Variants in MAGI2 observed in about 807,000 individuals in gnomAD.
MAGI2 encodes the protein membrane associated guanylate kinase, WW and PDZ domain containing 2, also known as membrane-associated guanylate kinase, WW and PDZ domain-containing protein 2.
In MAGI2, 35 loss-of-function variants were observed where a neutral mutation model predicts 133.3. The ratio of observed to expected loss-of-function variants is 0.26; its 90% CI spans 0.20 to 0.35. The LOEUF (loss-of-function observed/expected upper bound fraction) is 0.35, where lower values mean the gene tolerates loss of function less well. Ranked by LOEUF, MAGI2 falls within the 10% of genes least tolerant of loss-of-function variation. MAGI2 has a pLI of 1.00. For synonymous variants in MAGI2, 729 were observed against 710.6 expected, an observed-to-expected ratio of 1.03 and a Z score of -0.41; for missense variants, 1,636 against 1,863.4, an observed-to-expected ratio of 0.88 and a Z score of 2.25.
chr7:79,214,564 T>G (rs1197030529), intron 1 of MAGI2, among the ~76,000 whole-genome samples: 2 of 141,302 alleles, frequency 1.4e-5, no homozygotes, highest in Non-Finnish European at 3.1e-5. Context: ...AAACTGATTT[T>G]ACAAGGATAT....
At chr7:78,444,774 T>C (rs1787967671) in intron 6 of MAGI2, among the ~76,000 whole-genome samples, 1 of 143,622 alleles carries the variant, frequency 7.0e-6, no homozygotes, top group Non-Finnish European at 1.5e-5. Context: ...TGTGTATGTG[T>C]ATATACTGTA....
chr7:78,909,602 CAAAAAAAAAAAA>C (rs1237807866), intron 2 of MAGI2, among the ~76,000 whole-genome samples: 1 of 42,160 alleles, frequency 2.4e-5, no homozygotes, highest in African/African-American at 1.0e-4. Context: ...GACTCCATCT[CAAAAAAAAAAAA>C]AAAAAAAAAA....
At chr7:78,536,675 A>G (rs566965134) in intron 3 of MAGI2, among the ~76,000 whole-genome samples, 59 of 152,014 alleles carry the variant, frequency 3.9e-4, no homozygotes, top group Non-Finnish European at 6.6e-4. Context: ...GAAATAAGCA[A>G]TCTTGGACAT....
intron 6 of MAGI2, among the ~76,000 whole-genome samples, chr7:78,424,756 T>G (rs1053808159): frequency 6.6e-6 from 1 of 152,190 alleles, no homozygotes; most frequent in Non-Finnish European, 1.5e-5. Flanking sequence ...CCTGCTGGAA[T>G]TTGGACTTGC....
chr7:78,655,440 CA>C (rs1200768376), intron 2 of MAGI2, among the ~76,000 whole-genome samples: 11 of 28,860 alleles, frequency 3.8e-4, no homozygotes, highest in South Asian at 2.7e-3. Flanking sequence ...AAAAAACAAA[CA>C]AAAAAAAACA....
chr7:78,145,170 A>C (rs6963746), intron 16 of MAGI2, among the ~76,000 whole-genome samples: 19,228 of 152,162 alleles, frequency 0.13, 1,388 homozygotes, highest in East Asian at 0.35. Flanking sequence ...TCCTAGACTG[A>C]AAAAATGATT....
At chr7:78,711,450 CT>C (rs1281031663) in intron 2 of MAGI2, among the ~76,000 whole-genome samples, 1 of 151,778 alleles carries the variant, frequency 6.6e-6, no homozygotes, top group Non-Finnish European at 1.5e-5. Flanking sequence ...ATTAGATCAT[CT>C]TTATAGTCTG....
chr7:78,859,034 G>A (rs534631646), intron 2 of MAGI2, among the ~76,000 whole-genome samples: 6 of 151,794 alleles, frequency 4.0e-5, no homozygotes, highest in Non-Finnish European at 7.4e-5. Context: ...TTTAGAGTCT[G>A]TTTTATCAGA....
intron 2 of MAGI2, among the ~76,000 whole-genome samples, chr7:78,951,140 T>G (rs995157353): frequency 2.0e-5 from 3 of 151,748 alleles, no homozygotes; most frequent in Non-Finnish European, 4.4e-5. Flanking sequence ...CCTGGCTAAT[T>G]TTTTGTATTT....
chr7:78,539,432 AT>A, intron 3 of MAGI2, among the ~76,000 whole-genome samples: 1 of 150,596 alleles, frequency 6.6e-6, no homozygotes, highest in Non-Finnish European at 1.5e-5. Flanking sequence ...TGTGTTGAGA[AT>A]TTTTGTATCT....
intron 9 of MAGI2, among the ~76,000 whole-genome samples, chr7:78,269,725 G>T (rs1794376399): frequency 6.6e-6 from 1 of 152,156 alleles, no homozygotes; most frequent in Non-Finnish European, 1.5e-5. Flanking sequence ...TAGGTTGCCT[G>T]TTCACCCTGA....
At chr7:78,783,152 T>C (rs560595328) in intron 2 of MAGI2, among the ~76,000 whole-genome samples, 2 of 151,948 alleles carry the variant, frequency 1.3e-5, no homozygotes, top group Non-Finnish European at 2.9e-5. Flanking sequence ...TATTAGGTGC[T>C]CAGTAATATT....
chr7:78,573,905 G>C lies in MAGI2; in HGVS notation c.539-52260C>G, dbSNP rs374923821. Reference sequence around the variant, plus strand: ...TCTGGCTAGAGGCATCCTGAGATCTGAGCTGAGTACAGACTTTTCCTTAAT... The same window carrying C: ...TCTGGCTAGAGGCATCCTGAGATCTCAGCTGAGTACAGACTTTTCCTTAAT... On this transcript the variant is annotated intron_variant, in intron 3 of 21. Transcript: ENST00000354212. Among the ~76,000 whole-genome samples the C allele has an allele frequency of 3.3e-5, 5 of 152,174 alleles. No homozygotes were observed. In the East Asian group the frequency reaches 5.9e-4, roughly 18 times the overall value.
At chr7:78,398,199 C>G (rs1342577044) in intron 6 of MAGI2, among the ~76,000 whole-genome samples, 4 of 152,098 alleles carry the variant, frequency 2.6e-5, no homozygotes, top group Admixed American at 2.0e-4. Context: ...AGTCAGAAAT[C>G]GAAACAGCAG....
intron 1 of MAGI2, among the ~76,000 whole-genome samples, chr7:79,380,975 CAA>C (rs897103724): frequency 6.6e-6 from 1 of 151,482 alleles, no homozygotes; most frequent in Non-Finnish European, 1.5e-5. Flanking sequence ...CTCTCTTTTT[CAA>C]AAAAACTGAT....
chr7:78,777,782 T>C (rs1460531103), intron 2 of MAGI2, among the ~76,000 whole-genome samples: 1 of 152,184 alleles, frequency 6.6e-6, no homozygotes, highest in Non-Finnish European at 1.5e-5. Context: ...CTTAAATACC[T>C]TCCAGTACAT....
chr7:79,153,556 T>C (rs1823476297), intron 1 of MAGI2, among the ~76,000 whole-genome samples: 1 of 151,776 alleles, frequency 6.6e-6, no homozygotes, highest in African/African-American at 2.4e-5. Flanking sequence ...AGCATAAGAG[T>C]AACTACGTGA....
chr7:78,455,270 G>A (rs898834756), intron 6 of MAGI2, among the ~76,000 whole-genome samples: 1 of 152,022 alleles, frequency 6.6e-6, no homozygotes, highest in Non-Finnish European at 1.5e-5. Flanking sequence ...AAATTTTTTA[G>A]GAAACTTGAA....
rs114115031 is a variant in MAGI2 at position 78,718,067 on chromosome 7, A to G, written c.419-90828T>C. Among the ~76,000 whole-genome samples the G allele has an allele frequency of 1.6e-3, 251 of 152,294 alleles. 1 individual carries two copies. The highest frequency in any genetic ancestry group is 5.6e-3 in the African/African-American group (232 of 41,566). On this transcript the variant is annotated intron_variant, in intron 2 of 21. Coordinates refer to ENST00000354212, the MANE Select transcript of MAGI2 (RefSeq NM_012301.4). ...GGGTGGAACGCCTTGCTCATTTATC[A>G]TCATAGCTGAATTCTTATTAGAGCA...
Sources: gnomAD v4.1 joint callset for allele counts (sites outside exome capture counted in the v4.1 genomes callset) on GRCh38, gnomAD v4.1.1 for gene constraint, MANE v1.5 for transcripts, NCBI Gene and HGNC (gene_info 2026-07-23, HGNC 2026-07-21) for gene names.